The following EYA2 variants were observed in gnomAD, a reference collection of about 807,000 sequenced individuals.
EYA2 encodes EYA transcriptional coactivator and phosphatase 2.
In EYA2, 31 loss-of-function variants were observed where a neutral mutation model predicts 69.2. The ratio of observed to expected loss-of-function variants is 0.45; its 90% CI spans 0.34 to 0.60. The LOEUF is 0.60. Among genes scored for constraint, EYA2 ranks in the 20% least tolerant of loss-of-function variants. The pLI, the probability that EYA2 is intolerant of heterozygous loss-of-function variation, is 0.02. For missense variants in EYA2, 622 were observed against 701.2 expected (o/e 0.89, Z 1.28); for synonymous variants, 257 against 279.4 (o/e 0.92, Z 0.80).
chr20:47,092,438 C>T (rs1341850150), intron 8 of EYA2, among the ~76,000 whole-genome samples: 1 of 152,078 alleles, frequency 6.6e-6, no homozygotes, highest in Non-Finnish European at 1.5e-5. Context: ...TGAAAGAAAA[C>T]GTATTGGCGT....
chr20:47,159,851 A>G (rs931538277), intron 10 of EYA2, among the ~76,000 whole-genome samples: 13 of 151,954 alleles, frequency 8.6e-5, no homozygotes, highest in African/African-American at 2.9e-4. Flanking sequence ...TTAGCCAGGC[A>G]TGGTGGCGCA....
intron 1 of EYA2, chr20:46,978,725 AG>A (rs891411285): frequency 1.9e-5 from 10 of 532,838 alleles, no homozygotes; most frequent in Admixed American, 7.8e-5. Flanking sequence ...GGAGGTGGGC[AG>A]GGGGGCTGCC....
intron 1 of EYA2, among the ~76,000 whole-genome samples, chr20:46,975,146 G>T (rs1223290241): frequency 4.6e-5 from 7 of 152,138 alleles, no homozygotes; most frequent in Admixed American, 3.3e-4. Flanking sequence ...GGAGATCTTT[G>T]TGGTGATGGA....
intron 2 of EYA2, 109 bp from the exon 3 acceptor site, chr20:47,001,319 C>T: frequency 1.1e-6 from 1 of 902,550 alleles, no homozygotes; most frequent in Middle Eastern, 2.2e-4. Flanking sequence ...AAGCCGCGGG[C>T]AGCACCCCTC....
intron 1 of EYA2, among the ~76,000 whole-genome samples, chr20:46,942,823 T>C (rs1986210778): frequency 6.6e-6 from 1 of 152,220 alleles, no homozygotes; most frequent in Non-Finnish European, 1.5e-5. Flanking sequence ...TGGAGTGCAA[T>C]GGCACGATCT....
intron 9 of EYA2, among the ~76,000 whole-genome samples, chr20:47,110,230 G>A (rs753370460): frequency 1.3e-5 from 2 of 152,138 alleles, no homozygotes; most frequent in Non-Finnish European, 2.9e-5. Flanking sequence ...GTGGCCCACT[G>A]CTCTTTAATT....
intron 1 of EYA2, among the ~76,000 whole-genome samples, chr20:46,952,073 A>G (rs1320754547): frequency 6.6e-6 from 1 of 152,238 alleles, no homozygotes; most frequent in Admixed American, 6.5e-5. Context: ...GAAACAGACA[A>G]AGGCACGTGT....
At chr20:47,020,597 G>A (rs1454653501) in intron 5 of EYA2, among the ~76,000 whole-genome samples, 1 of 151,908 alleles carries the variant, frequency 6.6e-6, no homozygotes, top group African/African-American at 2.4e-5. Context: ...TAAAAAGAGG[G>A]GGAAAAAAAT....
intron 5 of EYA2, among the ~76,000 whole-genome samples, chr20:47,061,080 C>A (rs1180809225): frequency 2.6e-5 from 4 of 152,042 alleles, no homozygotes; most frequent in African/African-American, 9.7e-5. Flanking sequence ...TCTCAAACTC[C>A]TGACCTCAAG....
At chr20:46,990,751 G>A (rs755233027) in intron 2 of EYA2, among the ~76,000 whole-genome samples, 1 of 152,166 alleles carries the variant, frequency 6.6e-6, no homozygotes, top group Non-Finnish European at 1.5e-5. Context: ...TTAACCATTG[G>A]GCTTAACCCT....
chr20:47,006,285 C>T (rs1374165276), intron 4 of EYA2, among the ~76,000 whole-genome samples: 1 of 152,234 alleles, frequency 6.6e-6, no homozygotes, highest in Non-Finnish European at 1.5e-5. Flanking sequence ...GTCAGGTCAG[C>T]CTCACCCAAA....
chr20:46,909,273 T>C (rs1329102172), intron 1 of EYA2, among the ~76,000 whole-genome samples: 1 of 152,128 alleles, frequency 6.6e-6, no homozygotes, highest in African/African-American at 2.4e-5. Flanking sequence ...TAGTTTCCAA[T>C]GGCTACAGAC....
rs1001414999 is a variant in EYA2 at position 46,969,230 on chromosome 20, G to T, written c.-10-20771G>T. ...GTGTTTTGTTTTTGGTTTTTTTTTT[G>T]TTTGTTTGTTTTTTTGACACTTAGT... On this transcript the variant is annotated intron_variant, in intron 1 of 15. Transcript: ENST00000327619. 1.7e-3 allele frequency among the ~76,000 whole-genome samples: 261 copies of T among 149,850 alleles called. 1 individual carries two copies. The highest frequency in any genetic ancestry group is 6.3e-3 in the African/African-American group (251 of 39,754).
intron 10 of EYA2, among the ~76,000 whole-genome samples, chr20:47,159,581 G>A (rs2034022830): frequency 6.6e-6 from 1 of 152,050 alleles, no homozygotes; most frequent in South Asian, 2.1e-4. Flanking sequence ...AGCACTATCT[G>A]CTTATTAGTT....
intron 10 of EYA2, among the ~76,000 whole-genome samples, chr20:47,144,580 T>C (rs1403759232): frequency 6.6e-6 from 1 of 152,204 alleles, no homozygotes; most frequent in African/African-American, 2.4e-5. Context: ...TTCTTTCTAG[T>C]CTGCAGGCTG....
intron 2 of EYA2, among the ~76,000 whole-genome samples, chr20:46,993,317 C>G (rs897057528): frequency 6.6e-6 from 1 of 152,230 alleles, no homozygotes; most frequent in Admixed American, 6.5e-5. Flanking sequence ...CCCTGGAAGC[C>G]TCCCAAACTC....
intron 1 of EYA2, among the ~76,000 whole-genome samples, chr20:46,988,000 G>GATATATATATATA (rs1981400346): frequency 3.1e-5 from 1 of 32,316 alleles, no homozygotes; most frequent in Admixed American, 3.0e-4. Context: ...ATATATATGG[G>GATATATATATATA]GCAAAAAAAA....
chr20:47,056,797 A>G (rs2030632869), intron 5 of EYA2, among the ~76,000 whole-genome samples: 2 of 152,114 alleles, frequency 1.3e-5, no homozygotes, highest in Non-Finnish European at 2.9e-5. Flanking sequence ...ATAATCCCAG[A>G]AATTTGGGAG....
At chr20:47,086,980 A>G (rs2031914439) in intron 7 of EYA2, among the ~76,000 whole-genome samples, 1 of 152,164 alleles carries the variant, frequency 6.6e-6, no homozygotes, top group Non-Finnish European at 1.5e-5. Flanking sequence ...GAACCAGGAA[A>G]GACCTTATTT....
Sources: gnomAD v4.1 joint callset for allele counts (sites outside exome capture counted in the v4.1 genomes callset) on GRCh38, gnomAD v4.1.1 for gene constraint, MANE v1.5 for transcripts, NCBI Gene and HGNC (gene_info 2026-07-23, HGNC 2026-07-21) for gene names.